The following LUZP1 variants were observed in gnomAD, a reference collection of about 807,000 sequenced individuals.
The protein encoded by LUZP1 is filamin mechanobinding actin cross-linking protein.
In LUZP1, 25 loss-of-function variants were observed where a neutral mutation model predicts 71.3. The ratio of observed to expected loss-of-function variants is 0.35; its 90% CI spans 0.26 to 0.49. The LOEUF (loss-of-function observed/expected upper bound fraction) is 0.49. Among genes scored for constraint, LUZP1 ranks in the 20% least tolerant of loss-of-function variants. LUZP1 has a pLI of 0.99. For missense variants in LUZP1, 1,142 were observed against 1,300.8 expected (o/e 0.88, Z 1.88); for synonymous variants, 481 against 506.4 (o/e 0.95, Z 0.67).
chr1:23,163,596 T>G (rs1644486995), intron 2 of LUZP1, among the ~76,000 whole-genome samples: 1 of 148,922 alleles, frequency 6.7e-6, no homozygotes, highest in African/African-American at 2.5e-5. Context: ...GGGAAGGAAG[T>G]TGTGCAATAC....
At position 23,097,423 on chromosome 1, in the gene LUZP1, G is replaced by A. The variant is rs140923009; in HGVS notation, c.-119-3043C>T. On this transcript the variant is annotated intron_variant, in intron 3 of 4. Coordinates refer to ENST00000302291, the Ensembl canonical transcript of LUZP1. ...CCAGGCAAAACATAGTTATGGCCTA[G>A]ACCAGGATGGTGGCAGTACATGCGT... is the stretch of plus-strand genomic sequence containing the variant. Among the ~76,000 whole-genome samples the A allele has an allele frequency of 3.1e-3, 472 of 152,318 alleles. 4 individuals are homozygous for A. The highest frequency in any genetic ancestry group is 0.011 in the African/African-American group (448 of 41,558).
intron 2 of LUZP1, among the ~76,000 whole-genome samples, chr1:23,115,954 G>C (rs1014483470): frequency 1.3e-5 from 2 of 152,236 alleles, no homozygotes; most frequent in African/African-American, 2.4e-5. Context: ...CCTACGGAGA[G>C]AAAGTTGGCC....
chr1:23,113,559 A>G (rs992222027), intron 2 of LUZP1, among the ~76,000 whole-genome samples: 4 of 151,924 alleles, frequency 2.6e-5, no homozygotes, highest in East Asian at 1.9e-4. Context: ...TAACAGAGCT[A>G]TTATAACTAA....
intron 2 of LUZP1, among the ~76,000 whole-genome samples, chr1:23,139,138 G>A (rs1222854499): frequency 7.2e-6 from 1 of 138,492 alleles, no homozygotes; most frequent in Non-Finnish European, 1.5e-5. Flanking sequence ...CACACACACA[G>A]ACACCAAAGC....
intron 2 of LUZP1, among the ~76,000 whole-genome samples, chr1:23,144,400 G>A (rs1644327232): frequency 6.6e-6 from 1 of 152,150 alleles, no homozygotes; most frequent in African/African-American, 2.4e-5. Context: ...TTCCAAAAAT[G>A]TCTCTAAACG....
At chr1:23,160,263 A>G (rs1644453934) in intron 2 of LUZP1, among the ~76,000 whole-genome samples, 1 of 152,228 alleles carries the variant, frequency 6.6e-6, no homozygotes, top group Non-Finnish European at 1.5e-5. Context: ...CATCAGACAA[A>G]GCAGCTTTAA....
chr1:23,088,843 T>C, exon 5 of LUZP1: 1 of 1,591,914 alleles, frequency 6.3e-7, no homozygotes, highest in South Asian at 1.1e-5. Context: ...GGCAGGACGG[T>C]GGAAGAGCTG....
At chr1:23,161,389 C>A (rs932150124) in intron 2 of LUZP1, among the ~76,000 whole-genome samples, 3 of 152,080 alleles carry the variant, frequency 2.0e-5, no homozygotes, top group Admixed American at 1.3e-4. Context: ...GGCAGCCATG[C>A]AAAGAGCAGG....
chr1:23,098,898 A>G (rs898091812), intron 3 of LUZP1, among the ~76,000 whole-genome samples: 3 of 152,180 alleles, frequency 2.0e-5, no homozygotes, highest in Admixed American at 2.0e-4. Context: ...ATAAGCCTAG[A>G]ACCACCAGAT....
Position 23,093,206 on chromosome 1 carries a change from C to T in LUZP1, c.1056G>A (p.Glu352=), listed in dbSNP as rs1643873649. 2.5e-6 allele frequency: 4 copies of T among 1,614,150 alleles called. No homozygotes were observed. The highest frequency in any genetic ancestry group is 3.4e-6 in the Non-Finnish European group (4 of 1,180,022). The change falls in exon 4 of 5, where the codon GAG becomes GAA. Residue 352 remains glutamate, a synonymous_variant. Transcript: ENST00000302291. The surrounding 1 kb of genome is among the most constrained non-coding windows in gnomAD (Gnocchi z 4.2). ...CCCCTTCTACCTCTCCATTTTCTAA[C>T]TCTTTCTGTTTCTTGATTTGTAGCT...
At chr1:23,133,351 T>C (rs1008455576) in intron 2 of LUZP1, 1 of 152,224 alleles carries the variant, frequency 6.6e-6, no homozygotes, top group Non-Finnish European at 1.5e-5. Context: ...AGATTATCAG[T>C]GGATGCTAAA....
In LUZP1 at chr1:23,089,740, G is replaced by A. The variant is rs541999301; in HGVS notation, c.3073-687C>T. Among the ~76,000 whole-genome samples the A allele has an allele frequency of 7.5e-4, 112 of 148,968 alleles. 2 individuals carry two copies. The South Asian group carries it at 0.021, about 28-fold the overall frequency. On this transcript the variant is annotated intron_variant, in intron 4 of 4. Transcript: ENST00000302291. ...CCCAAGTAGCTGGGATTACAAGCAC[G>A]CACCACCACACCTGGCTTTTTTTTT...
chr1:23,145,848 T>C (rs3845521), intron 2 of LUZP1, among the ~76,000 whole-genome samples: 25,845 of 152,124 alleles, frequency 0.17, 2,250 homozygotes, highest in East Asian at 0.27. Context: ...AAATATTATA[T>C]GGTAGAGCTG....
chr1:23,102,587 T>C (rs1369873797), intron 3 of LUZP1, among the ~76,000 whole-genome samples: 1 of 152,148 alleles, frequency 6.6e-6, no homozygotes, highest in Non-Finnish European at 1.5e-5. Context: ...ACTCTGACAA[T>C]GTAGTGATGA....
intron 2 of LUZP1, among the ~76,000 whole-genome samples, chr1:23,126,415 T>TG (rs1220360586): frequency 6.6e-6 from 1 of 152,176 alleles, no homozygotes; most frequent in Non-Finnish European, 1.5e-5. Context: ...CCCAGGAGTT[T>TG]GGGGCCAGCC....
exon 4 of LUZP1, chr1:23,091,684 T>C: frequency 8.1e-6 from 13 of 1,614,098 alleles, no homozygotes; most frequent in Non-Finnish European, 1.1e-5. Context: ...TCTGCCATTC[T>C]CTCCGCTTCT....
At chr1:23,160,727 G>A (rs1439468647) in intron 2 of LUZP1, among the ~76,000 whole-genome samples, 2 of 152,194 alleles carry the variant, frequency 1.3e-5, no homozygotes, top group African/African-American at 4.8e-5. Flanking sequence ...GAGGGCATTA[G>A]CTAAAACAGC....
intron 2 of LUZP1, among the ~76,000 whole-genome samples, chr1:23,132,714 G>A (rs563687464): frequency 1.3e-5 from 2 of 152,254 alleles, no homozygotes; most frequent in Middle Eastern, 3.4e-3. Context: ...TAGAGACACA[G>A]ATACTAACAG....
intron 3 of LUZP1, among the ~76,000 whole-genome samples, chr1:23,102,031 T>C (rs1643935486): frequency 6.6e-6 from 1 of 152,018 alleles, no homozygotes; most frequent in African/African-American, 2.4e-5. Context: ...TCTTCTATCC[T>C]GCTTTTTTTT....
Sources: allele counts gnomAD v4.1 joint callset (sites outside exome capture counted in the v4.1 genomes callset), GRCh38; gene constraint gnomAD v4.1.1; non-coding constraint Gnocchi (gnomAD v3.1); transcripts MANE v1.5; gene names NCBI Gene and HGNC (gene_info 2026-07-23, HGNC 2026-07-21).